Variants in CNTN4 observed in about 807,000 individuals in gnomAD.
The protein encoded by CNTN4 is contactin-4.
Under a neutral mutation model 122.5 loss-of-function variants are expected in CNTN4, and 77 were observed. The ratio of observed to expected loss-of-function variants is 0.63; its 90% confidence interval spans 0.52 to 0.76. CNTN4 has a LOEUF of 0.76. CNTN4 is among the 30% of genes least tolerant of loss of function. The pLI is 0.00. For synonymous variants in CNTN4, 512 were observed against 447.0 expected (o/e 1.15, Z -1.83); for missense variants, 1,256 against 1,259.1 (o/e 1.00, Z 0.04).
At chr3:2,900,662 C>A (rs778968130) in intron 10 of CNTN4, 23 bp from the exon 11 acceptor site, 23 of 1,612,400 alleles carry the variant, frequency 1.4e-5, no homozygotes, top group Non-Finnish European at 1.9e-5. Flanking sequence ...ATACACCTTT[C>A]TTTGCTTTTT....
intron 24 of CNTN4, among the ~76,000 whole-genome samples, chr3:3,054,490 C>G (rs1018191357): frequency 6.6e-6 from 1 of 152,176 alleles, no homozygotes; most frequent in African/African-American, 2.4e-5. Flanking sequence ...TCTTCACTTT[C>G]AAATGTTGTT....
At chr3:2,376,250 T>C (rs1575494116) in intron 3 of CNTN4, among the ~76,000 whole-genome samples, 1 of 152,204 alleles carries the variant, frequency 6.6e-6, no homozygotes, top group Admixed American at 6.5e-5. Flanking sequence ...TTTAACAGTT[T>C]CTATCGAACT....
chr3:2,321,287 T>C (rs554994292), intron 2 of CNTN4, among the ~76,000 whole-genome samples: 1 of 152,120 alleles, frequency 6.6e-6, no homozygotes, highest in South Asian at 2.1e-4. Flanking sequence ...CACATAGATA[T>C]GGGTTCAAAT....
At chr3:2,943,628 A>AT (rs1231116494) in intron 13 of CNTN4, among the ~76,000 whole-genome samples, 1,108 of 60,896 alleles carry the variant, frequency 0.018, 12 homozygotes, top group African/African-American at 0.051. Context: ...ATATATATAT[A>AT]TATTTTTTTT....
At chr3:2,550,128 G>A (rs920443851) in intron 3 of CNTN4, among the ~76,000 whole-genome samples, 3 of 151,930 alleles carry the variant, frequency 2.0e-5, no homozygotes, top group African/African-American at 7.3e-5. Context: ...TATCTATTTT[G>A]TCAATCTTTT....
intron 4 of CNTN4, among the ~76,000 whole-genome samples, chr3:2,674,794 A>C (rs76750274): frequency 1.4e-5 from 2 of 146,952 alleles, no homozygotes; most frequent in South Asian, 2.2e-4. Context: ...AAAAAAAAAA[A>C]CCATTAACTG....
intron 2 of CNTN4, among the ~76,000 whole-genome samples, chr3:2,250,608 A>G (rs1017018067): frequency 6.6e-6 from 1 of 151,950 alleles, no homozygotes; most frequent in Admixed American, 6.6e-5. Context: ...ATCACATTAC[A>G]TGTATGGAAA....
intron 4 of CNTN4, among the ~76,000 whole-genome samples, chr3:2,627,198 C>G (rs1002427957): frequency 6.6e-6 from 1 of 152,150 alleles, no homozygotes; most frequent in Non-Finnish European, 1.5e-5. Context: ...AGGGCAAGGA[C>G]TATGTATGTT....
intron 4 of CNTN4, among the ~76,000 whole-genome samples, chr3:2,619,504 C>G (rs2081913421): frequency 6.6e-6 from 1 of 152,166 alleles, no homozygotes; most frequent in South Asian, 2.1e-4. Context: ...TTTTGTGTTT[C>G]TGTTATCTCT....
intron 18 of CNTN4, chr3:3,037,539 C>T (rs1699718736): frequency 1.6e-6 from 1 of 625,532 alleles, no homozygotes; most frequent in East Asian, 3.1e-5. Context: ...TCATTAGGTC[C>T]ACTTGTACAG....
At chr3:2,854,000 T>C (rs11713158) in intron 7 of CNTN4, among the ~76,000 whole-genome samples, 120,453 of 152,098 alleles carry the variant, frequency 0.79, 47,745 homozygotes, top group Admixed American at 0.84. Flanking sequence ...GCCAAACTCA[T>C]AGATGATTAA....
At chr3:2,450,998 G>T (rs928545077) in intron 3 of CNTN4, among the ~76,000 whole-genome samples, 4 of 152,166 alleles carry the variant, frequency 2.6e-5, no homozygotes, top group Non-Finnish European at 5.9e-5. Context: ...AAGGGTGAAG[G>T]GGGGCCAAGA....
intron 3 of CNTN4, among the ~76,000 whole-genome samples, chr3:2,383,944 C>A (rs1032195284): frequency 6.6e-6 from 1 of 152,136 alleles, no homozygotes; most frequent in Non-Finnish European, 1.5e-5. Context: ...TGGAGACCTT[C>A]TGTGTATGTA....
At chr3:2,744,023 C>T (rs1290101241) in intron 5 of CNTN4, among the ~76,000 whole-genome samples, 4 of 152,146 alleles carry the variant, frequency 2.6e-5, no homozygotes, top group Non-Finnish European at 5.9e-5. Flanking sequence ...CCATGTTGCC[C>T]AAGCTATTCT....
intron 4 of CNTN4, among the ~76,000 whole-genome samples, chr3:2,573,900 C>T (rs2079538570): frequency 6.6e-6 from 1 of 152,138 alleles, no homozygotes; most frequent in South Asian, 2.1e-4. Flanking sequence ...ACATAGCACT[C>T]CACTCGCTGA....
chr3:2,266,151 T>C (rs1213281258), intron 2 of CNTN4, among the ~76,000 whole-genome samples: 1 of 152,092 alleles, frequency 6.6e-6, no homozygotes, highest in Non-Finnish European at 1.5e-5. Context: ...TAGATCTTAC[T>C]GGGAAGGCTT....
At chr3:2,313,604 G>A (rs900589698) in intron 2 of CNTN4, among the ~76,000 whole-genome samples, 8 of 151,986 alleles carry the variant, frequency 5.3e-5, no homozygotes, top group African/African-American at 1.9e-4. Context: ...GCCGGAGGTG[G>A]GGTGGTGATT....
At chr3:2,167,421 T>C (rs2036244778) in intron 2 of CNTN4, among the ~76,000 whole-genome samples, 1 of 152,208 alleles carries the variant, frequency 6.6e-6, no homozygotes, top group Non-Finnish European at 1.5e-5. Flanking sequence ...CATAGGGCTA[T>C]TTTTACCAAA....
intron 10 of CNTN4, among the ~76,000 whole-genome samples, chr3:2,895,427 A>C (rs955894989): frequency 4.6e-5 from 7 of 152,198 alleles, no homozygotes; most frequent in African/African-American, 9.6e-5. Flanking sequence ...TATTTGCTTT[A>C]TGTATTCATG....
Sources: gnomAD v4.1 joint callset for allele counts (sites outside exome capture counted in the v4.1 genomes callset) on GRCh38, gnomAD v4.1.1 for gene constraint, MANE v1.5 for transcripts, NCBI Gene and HGNC (gene_info 2026-07-23, HGNC 2026-07-21) for gene names.